The following CHRM3 variants were observed in gnomAD, a reference collection of about 807,000 sequenced individuals.
The protein encoded by CHRM3 is cholinergic receptor muscarinic 3, also known as muscarinic acetylcholine receptor M3.
In CHRM3, 11 loss-of-function variants were observed where a neutral mutation model predicts 41.8. The observed-to-expected ratio is 0.26, with a 90% CI of 0.17 to 0.44. CHRM3 has a LOEUF of 0.44. Ranked by LOEUF, CHRM3 falls within the 20% of genes least tolerant of loss-of-function variation. The pLI is 1.00. For missense variants in CHRM3, 571 were observed against 745.4 expected (o/e 0.77, Z 2.72); for synonymous variants, 297 against 301.4 (o/e 0.99, Z 0.15).
At chr1:239,746,192 C>A (rs1665335432) in intron 5 of CHRM3, among the ~76,000 whole-genome samples, 1 of 152,316 alleles carries the variant, frequency 6.6e-6, no homozygotes, top group Non-Finnish European at 1.5e-5. Flanking sequence ...CGGTAGGTGC[C>A]AGGCATCTGT....
chr1:239,833,133 G>A lies in CHRM3; in HGVS notation c.-20+5755G>A, dbSNP rs1157183036. Reference sequence around the variant, plus strand: ...GACATTTTAATGAAGCTGCAGTTCAGTACTGACTTGAATTTGAGGTCCACC... The same window carrying A: ...GACATTTTAATGAAGCTGCAGTTCAATACTGACTTGAATTTGAGGTCCACC... On this transcript the variant is annotated intron_variant, in intron 6 of 6. Transcript: ENST00000676153. Among the ~76,000 whole-genome samples, 3 of 152,204 alleles carry A rather than the reference G, an allele frequency of 2.0e-5. No homozygotes were observed. In the East Asian group the frequency reaches 5.8e-4, roughly 29 times the overall value.
intron 3 of CHRM3, among the ~76,000 whole-genome samples, chr1:239,621,580 A>T (rs918711951): frequency 6.6e-6 from 1 of 152,216 alleles, no homozygotes; most frequent in African/African-American, 2.4e-5. Context: ...CTTATTGCTG[A>T]TATGGAGGAG....
At chr1:239,492,936 C>A (rs758986874) in intron 2 of CHRM3, 129 bp downstream of exon 2, 1 of 152,170 alleles carries the variant, frequency 6.6e-6, no homozygotes, top group African/African-American at 2.4e-5. Flanking sequence ...TCTGAGAAGA[C>A]TAACACTTCA....
At chr1:239,577,652 T>G (rs1242874993) in intron 3 of CHRM3, among the ~76,000 whole-genome samples, 1 of 152,222 alleles carries the variant, frequency 6.6e-6, no homozygotes, top group Admixed American at 6.6e-5. Flanking sequence ...ACAAATTACT[T>G]AATCATTTCG....
At chr1:239,503,090 C>G (rs1420074292) in intron 2 of CHRM3, among the ~76,000 whole-genome samples, 2 of 152,030 alleles carry the variant, frequency 1.3e-5, no homozygotes, top group Admixed American at 1.3e-4. Flanking sequence ...AAATAAAGGG[C>G]ATCCAAAATG....
chr1:239,866,331 C>T (rs1676101092), intron 6 of CHRM3, among the ~76,000 whole-genome samples: 1 of 151,592 alleles, frequency 6.6e-6, no homozygotes, highest in Admixed American at 6.6e-5. Flanking sequence ...GAGCTGAGAT[C>T]GGAGCTTGCA....
intron 5 of CHRM3, chr1:239,826,833 A>T (rs1050611862): frequency 6.6e-6 from 1 of 152,250 alleles, no homozygotes; most frequent in Non-Finnish European, 1.5e-5. Context: ...ACCAATAAAA[A>T]TAATAATATT....
intron 4 of CHRM3, among the ~76,000 whole-genome samples, chr1:239,640,666 A>G (rs1671029628): frequency 6.8e-6 from 1 of 147,988 alleles, no homozygotes; most frequent in Non-Finnish European, 1.5e-5. Context: ...TTTTTTCTTT[A>G]TTAGTCTTGC....
At chr1:239,807,787 G>A (rs900761093) in intron 5 of CHRM3, among the ~76,000 whole-genome samples, 1 of 151,446 alleles carries the variant, frequency 6.6e-6, no homozygotes, top group Non-Finnish European at 1.5e-5. Flanking sequence ...AAGAAACTGA[G>A]AGTACATGTA....
chr1:239,848,835 A>G (rs1195965647), intron 6 of CHRM3, among the ~76,000 whole-genome samples: 1 of 152,214 alleles, frequency 6.6e-6, no homozygotes, highest in Non-Finnish European at 1.5e-5. Context: ...GACTCATTAA[A>G]CTAACTATGG....
chr1:239,558,071 C>G (rs1158792322), intron 3 of CHRM3, among the ~76,000 whole-genome samples: 1 of 152,158 alleles, frequency 6.6e-6, no homozygotes, highest in African/African-American at 2.4e-5. Context: ...ATGTCTTCCA[C>G]AATGGTTTAA....
At chr1:239,423,559 C>T (rs12137093) in intron 1 of CHRM3, among the ~76,000 whole-genome samples, 29,115 of 152,010 alleles carry the variant, frequency 0.19, 3,616 homozygotes, top group Non-Finnish European at 0.26. Flanking sequence ...ATTTAAATAA[C>T]AACCATGCAT....
At chr1:239,808,670 C>T (rs1205191344) in intron 5 of CHRM3, among the ~76,000 whole-genome samples, 8 of 152,150 alleles carry the variant, frequency 5.3e-5, no homozygotes, top group Non-Finnish European at 8.8e-5. Context: ...GAAGGAAATG[C>T]GAGTGAACCA....
intron 6 of CHRM3, among the ~76,000 whole-genome samples, chr1:239,896,994 A>G (rs1304541567): frequency 2.6e-5 from 4 of 152,204 alleles, no homozygotes; most frequent in African/African-American, 7.2e-5. Context: ...CAGTCAGGCT[A>G]TACTGGGTGC....
At chr1:239,647,834 A>C (rs1041243689) in intron 4 of CHRM3, among the ~76,000 whole-genome samples, 2 of 152,176 alleles carry the variant, frequency 1.3e-5, no homozygotes, top group South Asian at 4.1e-4. Flanking sequence ...TGTAATCATA[A>C]TTCAAATTAA....
rs114736915 is a variant in CHRM3 at position 239,679,897 on chromosome 1, C to T, written c.-147+1609C>T. ...CTAACCCATCCAGTCCTTCACAGTC[C>T]GCTCTGAGCCCATAGGTCTCAACCT... is the stretch of plus-strand genomic sequence containing the variant. On this transcript the variant is annotated intron_variant, in intron 5 of 6. Transcript: ENST00000676153. Among the ~76,000 whole-genome samples the T allele has an allele frequency of 5.9e-3, 905 of 152,132 alleles. 13 individuals carry two copies. Among genetic ancestry groups the T allele is most frequent in the African/African-American group, 0.02 (845 of 41,528 alleles).
chr1:239,669,479 G>A (rs1360185822), intron 4 of CHRM3, among the ~76,000 whole-genome samples: 1 of 152,140 alleles, frequency 6.6e-6, no homozygotes, highest in Non-Finnish European at 1.5e-5. Context: ...ATGGTTAAGA[G>A]CACTAAATAT....
chr1:239,399,220 G>T (rs975034368), intron 1 of CHRM3, among the ~76,000 whole-genome samples: 1 of 152,008 alleles, frequency 6.6e-6, no homozygotes, highest in East Asian at 1.9e-4. Context: ...CTTTTTTCAT[G>T]TATAGTTGAC....
chr1:239,591,772 G>A (rs1664182552), intron 3 of CHRM3, among the ~76,000 whole-genome samples: 1 of 152,218 alleles, frequency 6.6e-6, no homozygotes. Flanking sequence ...CAGTAACACA[G>A]TTGTGAAGTT....
Sources: gnomAD v4.1 joint callset for allele counts (sites outside exome capture counted in the v4.1 genomes callset) on GRCh38, gnomAD v4.1.1 for gene constraint, MANE v1.5 for transcripts, NCBI Gene and HGNC (gene_info 2026-07-23, HGNC 2026-07-21) for gene names.